The following RYR1 variants were observed in gnomAD, a reference collection of about 807,000 sequenced individuals.
The protein encoded by RYR1 is central core disease of muscle.
In RYR1, 342 loss-of-function variants were observed where a neutral mutation model predicts 583.5. The ratio of observed to expected loss-of-function variants is 0.59; its 90% CI spans 0.54 to 0.64. RYR1 has a LOEUF of 0.64. RYR1 is among the 30% of genes least tolerant of loss of function. The pLI, the probability that RYR1 is intolerant of heterozygous loss-of-function variation, is 0.00. For missense variants in RYR1, 6,032 were observed against 6,917.2 expected (o/e 0.87, Z 4.54); for synonymous variants, 2,791 against 2,822.5 (o/e 0.99, Z 0.35).
chr19:38,522,958 A>G, intron 67 of RYR1, 70 bp from the exon 68 acceptor site: 5 of 1,250,592 alleles, frequency 4.0e-6, no homozygotes, highest in Non-Finnish European at 5.7e-6. Context: ...CTCCTCCAAG[A>G]TCTCTCTCTG....
chr19:38,486,428 C>G (rs1969301629), intron 34 of RYR1, among the ~76,000 whole-genome samples: 1 of 152,176 alleles, frequency 6.6e-6, no homozygotes. Context: ...ACTGCAACCT[C>G]CGCCTCCCAG....
chr19:38,444,254 G>A lies in RYR1; in HGVS notation c.530G>A (p.Arg177His), dbSNP rs750303767. ...ATCCTTGTCAGTGTCTCCTCCGAGC[G>A]CTACCTGGTGAGCCATTGCGGTTCC... Reference protein sequence around the residue: ...DIILVSVSSERYLHLSTASGE... With the variant: ...DIILVSVSSEHYLHLSTASGE... Residue 177 changes from arginine (R) to histidine (H), a missense_variant, in exon 6 of 106, where the codon CGC (arginine) becomes CAC (histidine). By Grantham distance (29) the Arg-to-His change is conservative. Around this residue, in one of 11 missense-constraint regions of RYR1, gnomAD observed 338 missense variants for 441.6 expected, o/e 0.77. Transcript: ENST00000359596. The surrounding 1 kb of genome is among the most constrained non-coding windows in gnomAD (Gnocchi z 5.1). 13 of 1,612,546 alleles carry A rather than the reference G, an allele frequency of 8.1e-6. No individual in the cohort carries two copies. The highest frequency in any genetic ancestry group is 2.2e-5 in the East Asian group (1 of 44,864).
At chr19:38,473,275 G>T (rs1208259585) in intron 27 of RYR1, 102 bp from the exon 28 acceptor site, 9 of 1,405,644 alleles carry the variant, frequency 6.4e-6, no homozygotes, top group Non-Finnish European at 8.0e-6. Flanking sequence ...CCATGCAGGT[G>T]CACTATGGCC....
intron 20 of RYR1, among the ~76,000 whole-genome samples, chr19:38,461,659 G>C (rs1396006150): frequency 1.4e-5 from 2 of 147,900 alleles, no homozygotes; most frequent in East Asian, 2.0e-4. Flanking sequence ...CCAGGGATTC[G>C]AGGCTGCAGT....
intron 20 of RYR1, 89 bp from the exon 21 acceptor site, chr19:38,463,334 C>A: frequency 8.9e-7 from 1 of 1,124,666 alleles, no homozygotes; most frequent in South Asian, 1.3e-5. Context: ...AGGAGCCTCC[C>A]AGGGCTCACA....
intron 52 of RYR1, 65 bp from the exon 53 acceptor site, chr19:38,505,244 C>G (rs1315757192): frequency 7.1e-6 from 9 of 1,274,912 alleles, no homozygotes; most frequent in Admixed American, 1.8e-5. Flanking sequence ...CTCGGCTCCT[C>G]CAGGGTCGCC....
chr19:38,525,272 G>A, intron 70 of RYR1, 60 bp from the exon 71 acceptor site: 1 of 1,608,880 alleles, frequency 6.2e-7, no homozygotes, highest in Non-Finnish European at 8.5e-7. Flanking sequence ...GATGGCCGCG[G>A]GTTGGGGCTG....
intron 90 of RYR1, among the ~76,000 whole-genome samples, chr19:38,562,165 C>T (rs985802199): frequency 2.0e-5 from 3 of 152,102 alleles, no homozygotes; most frequent in African/African-American, 7.2e-5. Flanking sequence ...ACCATGCTCA[C>T]CCATGCACAC....
intron 12 of RYR1, among the ~76,000 whole-genome samples, chr19:38,452,126 CAAA>C (rs66571762): frequency 2.9e-5 from 2 of 68,876 alleles, no homozygotes; most frequent in Non-Finnish European, 2.6e-5. Flanking sequence ...CCGCCTCTAC[CAAA>C]AAAAAAAAAA....
chr19:38,462,461 C>T (rs909805925), intron 20 of RYR1, among the ~76,000 whole-genome samples: 5 of 151,832 alleles, frequency 3.3e-5, no homozygotes, highest in African/African-American at 7.3e-5. Flanking sequence ...CTGTCAGCCT[C>T]GTGGGCTGTC....
chr19:38,502,814 A>AGCAGGG (rs769657214), intron 48 of RYR1, 66 bp from the exon 49 acceptor site: 7,266 of 690,836 alleles, frequency 0.011, 409 homozygotes, highest in South Asian at 0.044. Flanking sequence ...CAGGGGGAGG[A>AGCAGGG]GCAGGGGCAG....
intron 34 of RYR1, among the ~76,000 whole-genome samples, chr19:38,486,928 T>C (rs1167409438): frequency 3.3e-5 from 5 of 152,176 alleles, no homozygotes; most frequent in African/African-American, 1.2e-4. Context: ...CTCCACCCAC[T>C]CCATTCATTC....
intron 57 of RYR1, among the ~76,000 whole-genome samples, 172 bp downstream of exon 57, chr19:38,507,124 A>C (rs1379568199): frequency 6.7e-6 from 1 of 148,334 alleles, no homozygotes; most frequent in Admixed American, 6.7e-5. Context: ...AGGCGGGGCC[A>C]GATGGGGAGG....
chr19:38,579,550 A>G (rs1451983147), intron 99 of RYR1, among the ~76,000 whole-genome samples: 1 of 151,062 alleles, frequency 6.6e-6, no homozygotes, highest in Non-Finnish European at 1.5e-5. Flanking sequence ...AGATTGCGCC[A>G]TAGCATTCCA....
At chr19:38,537,046 G>C in intron 83 of RYR1, 2 of 565,624 alleles carry the variant, frequency 3.5e-6, no homozygotes, top group South Asian at 4.4e-5. Flanking sequence ...AGAGAACATG[G>C]TAAAGATCTC....
rs1325118762 is a variant in RYR1 at position 38,473,399 on chromosome 19, T to C, written c.3788T>C (p.Val1263Ala). Residue 1263 changes from valine (V) to alanine (A), a missense_variant, in exon 28 of 106, where the codon GTG (valine) becomes GCG (alanine). Around this residue, in one of 11 missense-constraint regions of RYR1, gnomAD observed 2,627 missense variants for 2,961.3 expected, o/e 0.89. Coordinates refer to ENST00000359596, the MANE Select transcript of RYR1 (RefSeq NM_000540.3). ...CAGGTATCCCGAGTGGACGGCACTGTGGACACGCCCCCCTGCCTGCGCCTG... is the reference window on the plus strand; with the variant it reads ...CAGGTATCCCGAGTGGACGGCACTGCGGACACGCCCCCCTGCCTGCGCCTG... Reference protein sequence around the residue: ...HYEVSRVDGTVDTPPCLRLTH... With the variant: ...HYEVSRVDGTADTPPCLRLTH... 6.2e-7 allele frequency: 1 copy of C among 1,613,776 alleles called. No homozygotes were observed. Among genetic ancestry groups the C allele is most frequent in the Admixed American group, 1.7e-5 (1 of 60,002 alleles).
rs1438203342 is a variant in RYR1 at position 38,459,220 on chromosome 19, G to T, written c.2242G>T (p.Asp748Tyr). Residue 748 changes from aspartate (D) to tyrosine (Y), a missense_variant, in exon 19 of 106, where the codon GAC becomes TAC. Asp to Tyr is a radical substitution (Grantham distance 160). Transcript: ENST00000359596. ...TGAAGACGTGATCAGCTGCTGCCTGGACCTCAGCGTGCCGTCCATCTCCTT... is the reference window on the plus strand; with the variant it reads ...TGAAGACGTGATCAGCTGCTGCCTGTACCTCAGCGTGCCGTCCATCTCCTT... ...APEDVISCCLDLSVPSISFRI... is the reference protein window; with the variant it reads ...APEDVISCCLYLSVPSISFRI... 1 of 1,614,156 alleles carries T rather than the reference G, an allele frequency of 6.2e-7. No individual in the cohort carries two copies. Among genetic ancestry groups the T allele is most frequent in the Non-Finnish European group, 8.5e-7 (1 of 1,180,018 alleles).
intron 64 of RYR1, among the ~76,000 whole-genome samples, chr19:38,515,719 G>A (rs1369982484): frequency 6.6e-6 from 1 of 152,120 alleles, no homozygotes; most frequent in Non-Finnish European, 1.5e-5. Context: ...GCTGAGATGG[G>A]GGGATCGCTT....
chr19:38,473,561 C>G lies in RYR1; in HGVS notation c.3950C>G (p.Pro1317Arg). Residue 1317 changes from proline (P) to arginine (R), a missense_variant, in exon 28 of 106, where the codon CCC (proline) becomes CGC (arginine). Transcript: ENST00000359596. The part of the protein sequence containing the change: ...TPLAPPGLQP[P>R]AEDEARAAEP... ...CTGGCACCTCCTGGCCTGCAGCCCC[C>G]CGCCGAGGACGAGGCCCGGGCGGCG... 6.2e-7 allele frequency: 1 copy of G among 1,600,174 alleles called. No individual in the cohort carries two copies. The highest frequency in any genetic ancestry group is 8.5e-7 in the Non-Finnish European group (1 of 1,174,220).
Sources: gnomAD v4.1 joint callset for allele counts (sites outside exome capture counted in the v4.1 genomes callset) on GRCh38, gnomAD v4.1.1 for gene constraint, gnomAD v4.1.1 regional missense constraint, Gnocchi (gnomAD v3.1) non-coding constraint, MANE v1.5 for transcripts, NCBI Gene and HGNC (gene_info 2026-07-23, HGNC 2026-07-21) for gene names.